The following PRKN variants were observed in gnomAD, a reference collection of about 807,000 sequenced individuals.
The protein encoded by PRKN is parkin RBR E3 ubiquitin protein ligase, also known as E3 ubiquitin-protein ligase parkin.
A neutral mutation model predicts 59.5 loss-of-function variants in PRKN; 56 were observed. The observed-to-expected ratio is 0.94, with a 90% confidence interval of 0.76 to 1.18. The LOEUF (loss-of-function observed/expected upper bound fraction) is 1.18, where lower values mean the gene tolerates loss of function less well. Ranked by LOEUF, PRKN falls within the 50% of genes most tolerant of loss-of-function variation. The probability of loss-of-function intolerance (pLI) is 0.00; values close to 1 mark genes in which losing one functional copy is unlikely to be tolerated. For synonymous variants in PRKN, 250 were observed against 222.1 expected, an observed-to-expected ratio of 1.13 and a Z score of -1.12; for missense variants, 657 against 596.4, an observed-to-expected ratio of 1.10 and a Z score of -1.06.
intron 1 of PRKN, among the ~76,000 whole-genome samples, chr6:162,676,058 T>G (rs1779530858): frequency 6.6e-6 from 1 of 152,194 alleles, no homozygotes; most frequent in African/African-American, 2.4e-5. Context: ...CTTTTTCTTC[T>G]GAGTTGTGTT....
intron 3 of PRKN, among the ~76,000 whole-genome samples, chr6:162,208,860 A>C (rs988239851): frequency 6.6e-6 from 1 of 152,150 alleles, no homozygotes; most frequent in Non-Finnish European, 1.5e-5. Context: ...TCTTGGCTTA[A>C]AGAGGCAGCA....
intron 1 of PRKN, among the ~76,000 whole-genome samples, chr6:162,676,077 T>C (rs1402849637): frequency 6.6e-6 from 1 of 152,158 alleles, no homozygotes; most frequent in African/African-American, 2.4e-5. Context: ...TTAAGGATGA[T>C]GGAGGTCGTC....
intron 1 of PRKN, among the ~76,000 whole-genome samples, chr6:162,585,055 C>T (rs1010636195): frequency 2.7e-5 from 4 of 150,744 alleles, no homozygotes; most frequent in African/African-American, 4.9e-5. Flanking sequence ...TGCCTGCCAC[C>T]GTGCCAAGCT....
intron 7 of PRKN, among the ~76,000 whole-genome samples, chr6:161,647,426 A>C (rs1783997807): frequency 6.6e-6 from 1 of 152,182 alleles, no homozygotes; most frequent in South Asian, 2.1e-4. Flanking sequence ...CATCGTGCAG[A>C]GTGTGTGAAG....
chr6:162,165,916 TGG>T (rs1782958065), intron 4 of PRKN, among the ~76,000 whole-genome samples: 1 of 151,694 alleles, frequency 6.6e-6, no homozygotes, highest in Non-Finnish European at 1.5e-5. Flanking sequence ...GGTGTGGTGG[TGG>T]GCACCTGTAG....
At chr6:162,693,776 A>G (rs557051505) in intron 1 of PRKN, among the ~76,000 whole-genome samples, 28 of 152,374 alleles carry the variant, frequency 1.8e-4, no homozygotes, top group Non-Finnish European at 2.6e-4. Context: ...TTGAAGAGGT[A>G]CATAGTGACT....
intron 7 of PRKN, among the ~76,000 whole-genome samples, chr6:161,690,654 C>A (rs182084608): frequency 2.0e-5 from 3 of 152,180 alleles, no homozygotes; most frequent in Non-Finnish European, 4.4e-5. Context: ...CATCCCATCA[C>A]TAAGGACCCG....
intron 7 of PRKN, among the ~76,000 whole-genome samples, chr6:161,604,899 C>T (rs959662167): frequency 2.6e-4 from 40 of 152,142 alleles, no homozygotes; most frequent in African/African-American, 9.4e-4. Context: ...GATACCACTG[C>T]ATTCCAGCCT....
At chr6:162,334,439 G>T (rs1783738160) in intron 2 of PRKN, among the ~76,000 whole-genome samples, 1 of 152,082 alleles carries the variant, frequency 6.6e-6, no homozygotes, top group Non-Finnish European at 1.5e-5. Flanking sequence ...AATTTCTGTG[G>T]CCATGCTCTA....
intron 9 of PRKN, among the ~76,000 whole-genome samples, chr6:161,504,467 G>A (rs1778077279): frequency 6.6e-6 from 1 of 152,142 alleles, no homozygotes; most frequent in Admixed American, 6.5e-5. Flanking sequence ...ACTGAGTCAT[G>A]TTACAAGTCA....
At chr6:161,432,995 G>A (rs1253051046) in intron 9 of PRKN, among the ~76,000 whole-genome samples, 7 of 152,074 alleles carry the variant, frequency 4.6e-5, no homozygotes, top group South Asian at 2.1e-4. Context: ...GTAAATCAGC[G>A]TGCCAATAAT....
At chr6:162,714,869 C>G (rs1235926597) in intron 1 of PRKN, among the ~76,000 whole-genome samples, 1 of 152,174 alleles carries the variant, frequency 6.6e-6, no homozygotes, top group Non-Finnish European at 1.5e-5. Flanking sequence ...TTAAAAATCT[C>G]TACTTCTTCC....
At chr6:161,693,220 C>G (rs1281910352) in intron 7 of PRKN, among the ~76,000 whole-genome samples, 1 of 152,142 alleles carries the variant, frequency 6.6e-6, no homozygotes, top group Non-Finnish European at 1.5e-5. Flanking sequence ...AAATGGCACA[C>G]AGGGCAATAC....
chr6:162,554,983 G>C (rs9347662), intron 1 of PRKN, among the ~76,000 whole-genome samples: 23,092 of 152,058 alleles, frequency 0.15, 2,355 homozygotes, highest in East Asian at 0.49. Flanking sequence ...TAACTCAAAA[G>C]TCACTTATTC....
intron 2 of PRKN, among the ~76,000 whole-genome samples, chr6:162,394,494 G>A (rs1051560314): frequency 4.6e-5 from 7 of 152,132 alleles, no homozygotes; most frequent in African/African-American, 1.7e-4. Context: ...GTGGCTGCAG[G>A]CTATGAAGGA....
chr6:162,236,711 C>G (rs1197811397), intron 3 of PRKN, among the ~76,000 whole-genome samples: 1 of 152,004 alleles, frequency 6.6e-6, no homozygotes, highest in Non-Finnish European at 1.5e-5. Flanking sequence ...AGGAGCATCG[C>G]TTGAACCTGG....
At chr6:162,722,738 T>C (rs1584118658) in intron 1 of PRKN, among the ~76,000 whole-genome samples, 1 of 152,294 alleles carries the variant, frequency 6.6e-6, no homozygotes, top group South Asian at 2.1e-4. Context: ...TTACATATCT[T>C]AATACAAAGT....
In PRKN at chr6:161,946,386, TCA is replaced by T. The variant is rs368190954; in HGVS notation, c.734+26914_734+26915del. Among the ~76,000 whole-genome samples the T allele has an allele frequency of 6.4e-3, 732 of 113,494 alleles. 8 individuals are homozygous for T. Among genetic ancestry groups the T allele is most frequent in the South Asian group, 0.016 (47 of 2,950 alleles). The allele number at this position is 113,494 out of a possible 152,430, so 74.5% of individuals were successfully genotyped here. A position where few individuals can be genotyped will look rare whatever the true frequency, so the allele number is the denominator to read the frequency against. ...GGTTCTTTACCAAATTGCATGCACA[TCA>T]CACACACACACACACACACACACAC... On this transcript the variant is annotated intron_variant, in intron 6 of 11. Coordinates refer to ENST00000366898, the MANE Select transcript of PRKN (RefSeq NM_004562.3).
intron 2 of PRKN, among the ~76,000 whole-genome samples, chr6:162,328,903 T>C (rs1783436638): frequency 6.6e-6 from 1 of 152,110 alleles, no homozygotes; most frequent in South Asian, 2.1e-4. Context: ...GGCTGGAGTT[T>C]CTCTTCTTCT....
Sources: gnomAD v4.1 joint callset for allele counts (sites outside exome capture counted in the v4.1 genomes callset) on GRCh38, gnomAD v4.1.1 for gene constraint, MANE v1.5 for transcripts, NCBI Gene and HGNC (gene_info 2026-07-23, HGNC 2026-07-21) for gene names.